Variants in LRRC4C observed in about 807,000 individuals in gnomAD.
LRRC4C encodes the protein leucine-rich repeat-containing protein 4C.
In LRRC4C, 5 loss-of-function variants were observed where a neutral mutation model predicts 33.6. That is an observed-to-expected ratio of 0.15 (90% confidence interval 0.08 to 0.31). LRRC4C has a LOEUF of 0.31. Ranked by LOEUF, LRRC4C falls within the 10% of genes least tolerant of loss-of-function variation. LRRC4C has a pLI of 1.00. For synonymous variants in LRRC4C, 329 were observed against 302.0 expected, an observed-to-expected ratio of 1.09 and a Z score of -0.93; for missense variants, 560 against 796.7, an observed-to-expected ratio of 0.70 and a Z score of 3.58.
At chr11:40,692,546 A>G (rs2136412629) in intron 2 of LRRC4C, among the ~76,000 whole-genome samples, 1 of 152,240 alleles carries the variant, frequency 6.6e-6, no homozygotes, top group Admixed American at 6.6e-5. Context: ...GAGAAACTAC[A>G]AATTGCTAGA....
chr11:40,650,115 G>A (rs190214442), intron 2 of LRRC4C, among the ~76,000 whole-genome samples: 1 of 152,130 alleles, frequency 6.6e-6, no homozygotes, highest in Non-Finnish European at 1.5e-5. Flanking sequence ...AAAAAAAATA[G>A]ATAATGAATT....
At chr11:40,489,444 G>A (rs1235016911) in intron 3 of LRRC4C, among the ~76,000 whole-genome samples, 1 of 151,930 alleles carries the variant, frequency 6.6e-6, no homozygotes, top group Non-Finnish European at 1.5e-5. Flanking sequence ...TCTGGGTCAG[G>A]CAGGCCTATT....
intron 2 of LRRC4C, among the ~76,000 whole-genome samples, chr11:40,693,067 A>C (rs1945302039): frequency 6.6e-6 from 1 of 152,072 alleles, no homozygotes; most frequent in Non-Finnish European, 1.5e-5. Context: ...TCTGGGATAC[A>C]CTGTAGCAGA....
At chr11:40,513,686 C>T (rs1297047713) in intron 3 of LRRC4C, among the ~76,000 whole-genome samples, 1 of 152,108 alleles carries the variant, frequency 6.6e-6, no homozygotes, top group Non-Finnish European at 1.5e-5. Flanking sequence ...CAATTTATTC[C>T]TCCTGAAGGA....
chr11:41,061,627 T>G (rs1318009963), intron 1 of LRRC4C, among the ~76,000 whole-genome samples: 1 of 152,182 alleles, frequency 6.6e-6, no homozygotes, highest in African/African-American at 2.4e-5. Context: ...AGTATCTAGT[T>G]CCCAGAATTC....
At chr11:40,818,674 A>G (rs1951801282) in intron 2 of LRRC4C, among the ~76,000 whole-genome samples, 1 of 152,078 alleles carries the variant, frequency 6.6e-6, no homozygotes, top group Admixed American at 6.6e-5. Context: ...CTTTTTAAAC[A>G]TATTATTTTA....
intron 1 of LRRC4C, among the ~76,000 whole-genome samples, chr11:41,265,045 C>T (rs1949103353): frequency 6.6e-6 from 1 of 152,062 alleles, no homozygotes; most frequent in Admixed American, 6.6e-5. Context: ...TTTGTAATTC[C>T]TCTCTATTTC....
At chr11:40,525,016 T>C (rs1307650320) in intron 3 of LRRC4C, among the ~76,000 whole-genome samples, 1 of 152,020 alleles carries the variant, frequency 6.6e-6, no homozygotes, top group Non-Finnish European at 1.5e-5. Flanking sequence ...GGGTAGTGAT[T>C]AGCTGTGTGA....
At chr11:41,145,361 T>C (rs1444218585) in intron 1 of LRRC4C, among the ~76,000 whole-genome samples, 5 of 152,202 alleles carry the variant, frequency 3.3e-5, no homozygotes. Context: ...AATTAATAAT[T>C]GAGTTTATTC....
chr11:40,854,709 A>G (rs1364010301), intron 2 of LRRC4C, among the ~76,000 whole-genome samples: 1 of 151,210 alleles, frequency 6.6e-6, no homozygotes, highest in Non-Finnish European at 1.5e-5. Flanking sequence ...AATATATTTA[A>G]AGTGTATATT....
At chr11:41,446,643 T>C (rs1955836402) in intron 1 of LRRC4C, among the ~76,000 whole-genome samples, 1 of 152,200 alleles carries the variant, frequency 6.6e-6, no homozygotes, top group South Asian at 2.1e-4. Context: ...TTGTAGGTTA[T>C]GTAATGTTAT....
intron 3 of LRRC4C, among the ~76,000 whole-genome samples, chr11:40,624,216 A>G (rs767816617): frequency 6.6e-6 from 1 of 152,132 alleles, no homozygotes; most frequent in Non-Finnish European, 1.5e-5. Context: ...CTATCCTGCA[A>G]TCACTATAAG....
At chr11:40,631,455 G>A (rs1456756987) in intron 3 of LRRC4C, among the ~76,000 whole-genome samples, 4 of 152,196 alleles carry the variant, frequency 2.6e-5, no homozygotes, top group Non-Finnish European at 5.9e-5. Flanking sequence ...ATATGTGACA[G>A]CTCAATACTG....
At chr11:40,663,241 T>C (rs1301289549) in intron 2 of LRRC4C, among the ~76,000 whole-genome samples, 1 of 151,604 alleles carries the variant, frequency 6.6e-6, no homozygotes, top group East Asian at 1.9e-4. Context: ...CCACCATGCC[T>C]GGCTAATTTT....
intron 2 of LRRC4C, among the ~76,000 whole-genome samples, chr11:40,687,457 G>A (rs571953616): frequency 2.0e-5 from 3 of 151,928 alleles, no homozygotes; most frequent in Admixed American, 1.3e-4. Context: ...GCCTCTGATG[G>A]TCATGATCAT....
At chr11:40,652,767 A>G (rs1942882192) in intron 2 of LRRC4C, among the ~76,000 whole-genome samples, 1 of 152,186 alleles carries the variant, frequency 6.6e-6, no homozygotes, top group Non-Finnish European at 1.5e-5. Flanking sequence ...AAAGAGAGAA[A>G]AAAATTCTTA....
chr11:41,172,894 C>T (rs1377065077), intron 1 of LRRC4C, among the ~76,000 whole-genome samples: 1 of 151,878 alleles, frequency 6.6e-6, no homozygotes, highest in Non-Finnish European at 1.5e-5. Context: ...ATGGAAGGGG[C>T]CTTAGATATT....
chr11:41,259,822 T>G (rs1359052552), intron 1 of LRRC4C, among the ~76,000 whole-genome samples: 1 of 152,056 alleles, frequency 6.6e-6, no homozygotes, highest in Admixed American at 6.6e-5. Context: ...TTTGGTGGTT[T>G]TTTTTTAAAA....
Position 40,322,091 on chromosome 11 carries a change from T to G in LRRC4C, c.-269-2370A>C, listed in dbSNP as rs79642727. On this transcript the variant is annotated intron_variant, in intron 3 of 6. Transcript: ENST00000528697. Reference sequence around the variant, plus strand: ...GGGCTGGAAGGGACTCACCAATCGATTCACTAAATGTTATACTGCACAGGT... The same window carrying G: ...GGGCTGGAAGGGACTCACCAATCGAGTCACTAAATGTTATACTGCACAGGT... Among the ~76,000 whole-genome samples the G allele has an allele frequency of 4.0e-3, 615 of 152,162 alleles. 4 individuals are homozygous for G. The highest frequency in any genetic ancestry group is 0.014 in the African/African-American group (573 of 41,526).
Sources: allele counts gnomAD v4.1 joint callset (sites outside exome capture counted in the v4.1 genomes callset), GRCh38; gene constraint gnomAD v4.1.1; transcripts MANE v1.5; gene names NCBI Gene and HGNC (gene_info 2026-07-23, HGNC 2026-07-21).